Variants in RSU1 observed in about 807,000 individuals in gnomAD.
The protein encoded by RSU1 is rsu-1.
A neutral mutation model predicts 31.1 loss-of-function variants in RSU1; 26 were observed. That is an observed-to-expected ratio of 0.84 (90% CI 0.61 to 1.16). The LOEUF (loss-of-function observed/expected upper bound fraction) is 1.16. Ranked by LOEUF, RSU1 falls within the 50% of genes most tolerant of loss-of-function variation. RSU1 has a pLI of 0.00. For missense variants in RSU1, 320 were observed against 339.1 expected (o/e 0.94, Z 0.44); for synonymous variants, 164 against 136.3 (o/e 1.20, Z -1.41).
intron 8 of RSU1, among the ~76,000 whole-genome samples, chr10:16,691,597 T>A (rs1382379592): frequency 1.3e-5 from 2 of 151,926 alleles, no homozygotes; most frequent in African/African-American, 2.4e-5. Context: ...CTAGCATAGC[T>A]CATGTACCTT....
intron 2 of RSU1, among the ~76,000 whole-genome samples, chr10:16,790,858 G>C (rs1425386613): frequency 6.6e-6 from 1 of 151,974 alleles, no homozygotes; most frequent in African/African-American, 2.4e-5. Flanking sequence ...CTTCCCCTTC[G>C]CCTTCCACCA....
At chr10:16,701,776 T>G (rs1030551471) in intron 7 of RSU1, among the ~76,000 whole-genome samples, 9 of 152,022 alleles carry the variant, frequency 5.9e-5, no homozygotes, top group African/African-American at 2.2e-4. Flanking sequence ...TGCTTCCATC[T>G]GATGCTCTTC....
At chr10:16,770,978 A>G (rs1837414211) in intron 3 of RSU1, among the ~76,000 whole-genome samples, 1 of 150,846 alleles carries the variant, frequency 6.6e-6, no homozygotes, top group Non-Finnish European at 1.5e-5. Context: ...AAAAAAAAAA[A>G]AAGGAAGTTT....
chr10:16,707,403 TAAC>T (rs1835929130), intron 7 of RSU1, among the ~76,000 whole-genome samples: 1 of 152,162 alleles, frequency 6.6e-6, no homozygotes, highest in African/African-American at 2.4e-5. Context: ...TTTCTCTTTT[TAAC>T]AATAGCCATG....
chr10:16,655,676 T>A (rs1398619655), intron 8 of RSU1, among the ~76,000 whole-genome samples: 1 of 152,210 alleles, frequency 6.6e-6, no homozygotes, highest in Non-Finnish European at 1.5e-5. Context: ...TTGGAGATAC[T>A]GAAAGTTTGT....
At position 16,752,617 on chromosome 10, in the gene RSU1, T is replaced by C; in HGVS notation, c.520A>G (p.Lys174Glu). The C allele has an allele frequency of 6.2e-7, 1 of 1,614,130 alleles. No individual in the cohort carries two copies. Among genetic ancestry groups the C allele is most frequent in the Non-Finnish European group, 8.5e-7 (1 of 1,179,974 alleles). Reference protein sequence around the residue: ...LRDNDLISLPKEIGELTQLKE... With the variant: ...LRDNDLISLPEEIGELTQLKE... ...AGCTGGGTAAGCTCCCCGATTTCCT[T>C]AGGCAGCGAGATCAGGTCGTTATCC... Residue 174 changes from lysine to glutamate, a missense_variant, in exon 7 of 9, where the codon AAG becomes GAG. By Grantham distance (56) the Lys-to-Glu change is moderately conservative. Transcript: ENST00000345264.
intron 8 of RSU1, among the ~76,000 whole-genome samples, chr10:16,674,130 A>G (rs1835174277): frequency 6.6e-6 from 1 of 152,142 alleles, no homozygotes. Context: ...AGTCCAGGTC[A>G]AACAAAGCGT....
intron 7 of RSU1, among the ~76,000 whole-genome samples, chr10:16,746,860 T>G (rs1482788561): frequency 2.0e-5 from 3 of 152,072 alleles, no homozygotes; most frequent in African/African-American, 7.2e-5. Flanking sequence ...TGGCTGCTTT[T>G]TAGGAGTCTG....
At chr10:16,725,565 G>A (rs899015208) in intron 7 of RSU1, among the ~76,000 whole-genome samples, 1 of 151,910 alleles carries the variant, frequency 6.6e-6, no homozygotes, top group South Asian at 2.1e-4. Flanking sequence ...CCTGTGAAAG[G>A]TATTCGGTGC....
rs937207641 is a variant in RSU1 at position 16,670,834 on chromosome 10, G to A, written c.731+24189C>T. ...GGCTGGAGTCCAACGGCACAATCTT[G>A]ACTCACTACAACCTCCACCTCCCAG... On this transcript the variant is annotated intron_variant, in intron 8 of 8. Transcript: ENST00000345264. Among the ~76,000 whole-genome samples, 4 of 152,032 alleles carry A rather than the reference G, an allele frequency of 2.6e-5. No homozygotes were observed. In the South Asian group the frequency reaches 8.3e-4, roughly 32 times the overall value.
chr10:16,779,888 A>G (rs1307028426), intron 3 of RSU1, among the ~76,000 whole-genome samples: 2 of 152,242 alleles, frequency 1.3e-5, no homozygotes, highest in South Asian at 2.1e-4. Context: ...TTACTGAAAC[A>G]GATCGGGTGT....
chr10:16,719,266 C>T (rs1460081599), intron 7 of RSU1, among the ~76,000 whole-genome samples: 1 of 152,194 alleles, frequency 6.6e-6, no homozygotes, highest in Non-Finnish European at 1.5e-5. Context: ...TAGGACCGCA[C>T]CACTGCACTC....
At chr10:16,662,485 C>T (rs1834906721) in intron 8 of RSU1, among the ~76,000 whole-genome samples, 1 of 152,130 alleles carries the variant, frequency 6.6e-6, no homozygotes, top group East Asian at 1.9e-4. Context: ...TTTCACTTTC[C>T]TAATAAAATT....
At chr10:16,708,199 C>T (rs765002456) in intron 7 of RSU1, among the ~76,000 whole-genome samples, 4 of 152,058 alleles carry the variant, frequency 2.6e-5, no homozygotes, top group African/African-American at 7.2e-5. Context: ...AGAAACCTTA[C>T]GGATAACATA....
chr10:16,631,812 A>G (rs966985546), intron 8 of RSU1, among the ~76,000 whole-genome samples: 48 of 152,306 alleles, frequency 3.2e-4, no homozygotes, highest in African/African-American at 1.1e-3. Context: ...TTCCCATTCT[A>G]GGATCTTGTA....
At chr10:16,597,069 C>A (rs1429586565) in intron 8 of RSU1, among the ~76,000 whole-genome samples, 1 of 152,144 alleles carries the variant, frequency 6.6e-6, no homozygotes, top group African/African-American at 2.4e-5. Flanking sequence ...CTGTTCATGC[C>A]CATGGAAACC....
chr10:16,806,518 T>G (rs1278795650), intron 2 of RSU1, among the ~76,000 whole-genome samples: 3 of 152,166 alleles, frequency 2.0e-5, no homozygotes, highest in South Asian at 2.1e-4. Context: ...GACAATACAT[T>G]GTGAGGTTTG....
At chr10:16,628,757 T>G (rs576272682) in intron 8 of RSU1, among the ~76,000 whole-genome samples, 1 of 152,338 alleles carries the variant, frequency 6.6e-6, no homozygotes, top group African/African-American at 2.4e-5. Flanking sequence ...CATGAGAACC[T>G]TGGTTTATAA....
rs1206267035 is a variant in RSU1 at position 16,764,380 on chromosome 10, T to G, written c.281+10A>C. 5.6e-6 allele frequency: 9 copies of G among 1,609,836 alleles called. No homozygotes were observed. The highest frequency in any genetic ancestry group is 7.6e-6 in the Non-Finnish European group (9 of 1,177,840). On this transcript the variant is annotated intron_variant, in intron 4 of 8. Transcript: ENST00000345264. ...TTCCTCTCCATCCTTTCCGCTCCAC[T>G]GATACTCACCCAAGGTTCAGGTGTT...
Sources: allele counts gnomAD v4.1 joint callset (sites outside exome capture counted in the v4.1 genomes callset), GRCh38; gene constraint gnomAD v4.1.1; transcripts MANE v1.5; gene names NCBI Gene and HGNC (gene_info 2026-07-23, HGNC 2026-07-21).